Variants in NKAIN2 observed in about 807,000 individuals in gnomAD.
NKAIN2 encodes the protein sodium/potassium transporting ATPase interacting 2.
A neutral mutation model predicts 32.6 loss-of-function variants in NKAIN2; 14 were observed. The observed-to-expected ratio is 0.43, with a 90% CI of 0.28 to 0.67. The LOEUF is 0.67. Ranked by LOEUF, NKAIN2 falls within the 30% of genes least tolerant of loss-of-function variation. The pLI, the probability that NKAIN2 is intolerant of heterozygous loss-of-function variation, is 0.17. For synonymous variants in NKAIN2, 80 were observed against 87.2 expected (o/e 0.92, Z 0.46); for missense variants, 198 against 258.3 (o/e 0.77, Z 1.60).
intron 3 of NKAIN2, among the ~76,000 whole-genome samples, chr6:124,378,929 A>ATT (rs538033796): frequency 0.14 from 18,843 of 138,810 alleles, 1,590 homozygotes; most frequent in Middle Eastern, 0.23. Flanking sequence ...CTGACTCTAC[A>ATT]TTTTTTTTTT....
intron 4 of NKAIN2, among the ~76,000 whole-genome samples, chr6:124,700,645 A>G (rs1774732695): frequency 6.6e-6 from 1 of 152,148 alleles, no homozygotes; most frequent in Admixed American, 6.6e-5. Flanking sequence ...GTTACTAGCC[A>G]GCTCACTGAT....
At chr6:124,137,872 G>A (rs1040161466) in intron 1 of NKAIN2, among the ~76,000 whole-genome samples, 8 of 152,130 alleles carry the variant, frequency 5.3e-5, no homozygotes, top group African/African-American at 1.7e-4. Flanking sequence ...ACTCAAGATC[G>A]ATCAGTGGCC....
intron 2 of NKAIN2, among the ~76,000 whole-genome samples, chr6:124,303,133 CA>C (rs1030398072): frequency 3.3e-5 from 5 of 151,968 alleles, no homozygotes; most frequent in African/African-American, 1.2e-4. Flanking sequence ...TTAAGATGCA[CA>C]AAATATAAAA....
At chr6:124,283,915 G>T (rs969114752) in intron 2 of NKAIN2, among the ~76,000 whole-genome samples, 1 of 152,158 alleles carries the variant, frequency 6.6e-6, no homozygotes, top group Non-Finnish European at 1.5e-5. Flanking sequence ...TGTAGTAAAA[G>T]CATGTATATA....
intron 1 of NKAIN2, among the ~76,000 whole-genome samples, chr6:124,145,195 C>T (rs1352357791): frequency 6.6e-6 from 1 of 152,090 alleles, no homozygotes; most frequent in Non-Finnish European, 1.5e-5. Context: ...AAATGTTAGA[C>T]AAACTGGAAA....
At chr6:124,208,633 A>G (rs1047480945) in intron 1 of NKAIN2, among the ~76,000 whole-genome samples, 1 of 151,502 alleles carries the variant, frequency 6.6e-6, no homozygotes, top group South Asian at 2.1e-4. Flanking sequence ...TTTATATAAA[A>G]TATACTATAT....
intron 3 of NKAIN2, among the ~76,000 whole-genome samples, chr6:124,453,359 A>ACACACG (rs1554210285): frequency 1.4e-5 from 2 of 144,418 alleles, no homozygotes; most frequent in Non-Finnish European, 3.1e-5. Context: ...ACACACACAC[A>ACACACG]CACACACACA....
At chr6:124,095,971 T>C (rs1236007931) in intron 1 of NKAIN2, among the ~76,000 whole-genome samples, 11 of 152,202 alleles carry the variant, frequency 7.2e-5, no homozygotes, top group Admixed American at 7.2e-4. Flanking sequence ...TAATGTCTTA[T>C]TTATCTAGGA....
At chr6:124,282,714 T>A (rs1268432503) in intron 1 of NKAIN2, among the ~76,000 whole-genome samples, 1 of 152,216 alleles carries the variant, frequency 6.6e-6, no homozygotes, top group East Asian at 1.9e-4. Flanking sequence ...ACAGTGCACA[T>A]GACAATATAA....
At chr6:124,419,952 C>T (rs553983438) in intron 3 of NKAIN2, among the ~76,000 whole-genome samples, 1 of 151,272 alleles carries the variant, frequency 6.6e-6, no homozygotes, top group South Asian at 2.1e-4. Flanking sequence ...CCTTTTTTTT[C>T]CCGGAATATC....
intron 2 of NKAIN2, among the ~76,000 whole-genome samples, chr6:124,291,312 T>C (rs1173638372): frequency 2.0e-5 from 3 of 151,848 alleles, no homozygotes; most frequent in Non-Finnish European, 4.4e-5. Context: ...CATTTCAAAA[T>C]GGCGTGTCTA....
At chr6:124,498,188 G>A (rs539193875) in intron 3 of NKAIN2, among the ~76,000 whole-genome samples, 6 of 152,262 alleles carry the variant, frequency 3.9e-5, no homozygotes, top group Admixed American at 2.0e-4. Flanking sequence ...TCTTGAATAC[G>A]AACTGTGAGT....
At chr6:124,707,787 AG>A (rs1196992723) in intron 4 of NKAIN2, among the ~76,000 whole-genome samples, 3 of 151,864 alleles carry the variant, frequency 2.0e-5, no homozygotes, top group Non-Finnish European at 4.4e-5. Flanking sequence ...CCCATTGTGT[AG>A]GTTGCCTGTT....
chr6:124,278,949 A>G (rs553072261), intron 1 of NKAIN2, among the ~76,000 whole-genome samples: 1 of 152,020 alleles, frequency 6.6e-6, no homozygotes, highest in Non-Finnish European at 1.5e-5. Flanking sequence ...AGATCTATTA[A>G]TGCAGCATGT....
intron 3 of NKAIN2, among the ~76,000 whole-genome samples, chr6:124,513,336 C>T (rs1266725333): frequency 1.3e-5 from 2 of 151,964 alleles, no homozygotes; most frequent in Non-Finnish European, 1.5e-5. Context: ...TACAATGTGC[C>T]TATGTAAGAA....
At chr6:124,095,336 A>G (rs1784606950) in intron 1 of NKAIN2, among the ~76,000 whole-genome samples, 1 of 152,178 alleles carries the variant, frequency 6.6e-6, no homozygotes, top group African/African-American at 2.4e-5. Context: ...TACACAGGTT[A>G]CAGTTGACCC....
chr6:124,583,508 T>C (rs572103729), intron 3 of NKAIN2, among the ~76,000 whole-genome samples: 47 of 152,302 alleles, frequency 3.1e-4, no homozygotes, highest in African/African-American at 9.4e-4. Context: ...TGATCATGTA[T>C]TGGAAAAATC....
intron 1 of NKAIN2, among the ~76,000 whole-genome samples, chr6:124,223,212 C>CAAAA (rs369262954): frequency 3.5e-4 from 24 of 68,218 alleles, no homozygotes; most frequent in African/African-American, 1.3e-3. Flanking sequence ...GACTCCATCT[C>CAAAA]AAAAAAAAAA....
chr6:124,326,934 T>C (rs1441378951), intron 2 of NKAIN2, among the ~76,000 whole-genome samples: 2 of 152,140 alleles, frequency 1.3e-5, no homozygotes, highest in African/African-American at 4.8e-5. Flanking sequence ...CCATATATGA[T>C]TTTCCTATGT....
Sources: gnomAD v4.1 joint callset for allele counts (sites outside exome capture counted in the v4.1 genomes callset) on GRCh38, gnomAD v4.1.1 for gene constraint, MANE v1.5 for transcripts, NCBI Gene and HGNC (gene_info 2026-07-23, HGNC 2026-07-21) for gene names.